PRAG1: variants seen among roughly 807,000 people sequenced by gnomAD.
PRAG1 encodes inactive tyrosine-protein kinase PRAG1.
In PRAG1, 110 loss-of-function variants were observed where a neutral mutation model predicts 95.6. The observed-to-expected ratio is 1.15, with a 90% CI of 0.99 to 1.35. The LOEUF (loss-of-function observed/expected upper bound fraction) is 1.35. Among genes scored for constraint, PRAG1 ranks in the 40% most tolerant of loss-of-function variants. The pLI is 0.00. For synonymous variants in PRAG1, 1,052 were observed against 819.4 expected (o/e 1.28, Z -4.85); for missense variants, 2,554 against 1,864.7 (o/e 1.37, Z -6.81).
At position 8,377,738 on chromosome 8, in the gene PRAG1, C is replaced by T. The variant is rs762239260; in HGVS notation, c.671G>A (p.Gly224Asp). The T allele has an allele frequency of 6.2e-7, 1 of 1,614,054 alleles. No individual in the cohort carries two copies. The highest frequency in any genetic ancestry group is 8.5e-7 in the Non-Finnish European group (1 of 1,180,014). Residue 224 changes from glycine to aspartate, a missense_variant, in exon 3 of 6, where the codon GGC becomes GAC. Physicochemically the swap from Gly to Asp is moderately conservative, Grantham distance 94. Transcript: ENST00000615670. ...FAGTTSGCHQGPGPLRESLPS... is the reference protein window; with the variant it reads ...FAGTTSGCHQDPGPLRESLPS... ...CAGGGATTCCCGCAGGGGCCCAGGG[C>T]CCTGGTGACAGCCAGATGTGGTCCC...
intron 3 of PRAG1, among the ~76,000 whole-genome samples, chr8:8,348,183 C>G (rs1452864123): frequency 6.6e-6 from 1 of 152,192 alleles, no homozygotes; most frequent in African/African-American, 2.4e-5. Flanking sequence ...TTTCAAAGTG[C>G]TGGGATTATA....
chr8:8,379,282 G>A (rs1163128970), intron 2 of PRAG1, among the ~76,000 whole-genome samples: 1 of 152,194 alleles, frequency 6.6e-6, no homozygotes, highest in Non-Finnish European at 1.5e-5. Context: ...GACTCGTTGG[G>A]CTATGAGACA....
At chr8:8,355,131 C>G (rs1052820807) in intron 3 of PRAG1, among the ~76,000 whole-genome samples, 3 of 151,756 alleles carry the variant, frequency 2.0e-5, no homozygotes. Flanking sequence ...AAAAAACAAT[C>G]CAGGTGAAAA....
intron 5 of PRAG1, among the ~76,000 whole-genome samples, chr8:8,320,680 T>C (rs1055847252): frequency 1.3e-5 from 2 of 152,240 alleles, no homozygotes; most frequent in Non-Finnish European, 2.9e-5. Context: ...CACATCTACC[T>C]ATAAAATATT....
chr8:8,326,431 T>G (rs1386505277), intron 5 of PRAG1, among the ~76,000 whole-genome samples: 4 of 152,144 alleles, frequency 2.6e-5, no homozygotes, highest in Non-Finnish European at 5.9e-5. Flanking sequence ...TGAGAGAAGA[T>G]AGCTCAGGGT....
chr8:8,331,045 A>G (rs755388142), intron 4 of PRAG1, among the ~76,000 whole-genome samples: 18 of 152,038 alleles, frequency 1.2e-4, no homozygotes, highest in African/African-American at 4.3e-4. Context: ...CTGATTCTCA[A>G]TTTATCATCA....
chr8:8,375,376 G>C (rs564172942), intron 3 of PRAG1, among the ~76,000 whole-genome samples: 1 of 152,040 alleles, frequency 6.6e-6, no homozygotes, highest in South Asian at 2.1e-4. Flanking sequence ...GCTAATTTTT[G>C]TATTTTTAGT....
At chr8:8,330,195 A>G (rs1466747367) in intron 4 of PRAG1, among the ~76,000 whole-genome samples, 5 of 152,100 alleles carry the variant, frequency 3.3e-5, no homozygotes, top group Admixed American at 6.5e-5. Context: ...GCGAACCCCC[A>G]ACTCTACAAA....
intron 3 of PRAG1, among the ~76,000 whole-genome samples, chr8:8,371,430 T>G (rs1800200808): frequency 6.6e-6 from 1 of 151,970 alleles, no homozygotes; most frequent in South Asian, 2.1e-4. Context: ...CTGGCTAATT[T>G]TTTGTATTTT....
intron 4 of PRAG1, among the ~76,000 whole-genome samples, chr8:8,329,612 G>C (rs1201176077): frequency 6.6e-6 from 1 of 152,178 alleles, no homozygotes; most frequent in African/African-American, 2.4e-5. Context: ...CAAATTATGA[G>C]TCTTGTGTCA....
At chr8:8,336,915 TCC>T (rs956360550) in intron 4 of PRAG1, among the ~76,000 whole-genome samples, 2 of 24,628 alleles carry the variant, frequency 8.1e-5, no homozygotes, top group African/African-American at 2.7e-4. Context: ...CTTTCCCCCC[TCC>T]CCCCACCTCC....
At chr8:8,341,847 T>C (rs892186574) in intron 3 of PRAG1, among the ~76,000 whole-genome samples, 1 of 152,342 alleles carries the variant, frequency 6.6e-6, no homozygotes. Context: ...AATTATAAAA[T>C]GACGGCCGGA....
chr8:8,351,782 C>G (rs185123502), intron 3 of PRAG1, among the ~76,000 whole-genome samples: 1 of 152,068 alleles, frequency 6.6e-6, no homozygotes, highest in Non-Finnish European at 1.5e-5. Context: ...CCTGCCTTCC[C>G]CTTGCAAAAA....
Position 8,318,870 on chromosome 8 carries a change from CGGGGG to C in PRAG1, c.3500_3504del (p.Ala1167GlyfsTer86). 1.0e-5 allele frequency: 1 copy of C among 96,970 alleles called. No individual in the cohort carries two copies. Among genetic ancestry groups the C allele is most frequent in the Non-Finnish European group, 1.4e-5 (1 of 69,904 alleles). 6.0% of individuals were successfully genotyped at this position (96,970 alleles called of 1,614,324 possible). A position where few individuals can be genotyped will look rare whatever the true frequency, so the allele number is the denominator to read the frequency against. On this transcript the variant is annotated frameshift_variant, in exon 6 of 6. Coordinates refer to ENST00000615670, the MANE Select transcript of PRAG1 (RefSeq NM_001080826.3). LOFTEE classifies it high-confidence loss of function. The surrounding 1 kb of genome is among the most constrained non-coding windows in gnomAD (Gnocchi z 4.2). ...GCGGCGGCGGGGGCGGGAGCCGGGG[CGGGGG>C]CGGGGGCGGGCCCGGGGCCGGCCTG...
At chr8:8,367,972 G>T (rs1279071932) in intron 3 of PRAG1, among the ~76,000 whole-genome samples, 1 of 152,074 alleles carries the variant, frequency 6.6e-6, no homozygotes, top group Non-Finnish European at 1.5e-5. Context: ...CATTAATTTT[G>T]ACTGCCATAT....
intron 4 of PRAG1, among the ~76,000 whole-genome samples, chr8:8,338,029 C>A (rs1296880650): frequency 6.6e-6 from 1 of 152,134 alleles, no homozygotes; most frequent in Non-Finnish European, 1.5e-5. Flanking sequence ...CTCCTCCTCA[C>A]CCCCTACCTC....
chr8:8,381,344 G>T, intron 2 of PRAG1, 74 bp downstream of exon 2: 2 of 1,461,468 alleles, frequency 1.4e-6, no homozygotes, highest in Non-Finnish European at 1.9e-6. Flanking sequence ...GCCCTCCCTG[G>T]CTGCCAGCCA....
intron 1 of PRAG1, among the ~76,000 whole-genome samples, chr8:8,385,392 G>A (rs1800814341): frequency 6.6e-6 from 1 of 152,142 alleles, no homozygotes; most frequent in South Asian, 2.1e-4. Context: ...ATCTCAGAGG[G>A]AGGAATGTGG....
At position 8,376,933 on chromosome 8, in the gene PRAG1, G is replaced by A. The variant is rs192852763; in HGVS notation, c.1476C>T (p.Ser492=). 6.2e-6 allele frequency: 10 copies of A among 1,613,416 alleles called. No individual in the cohort carries two copies. In the Admixed American group the frequency reaches 8.3e-5, roughly 13 times the overall value. The change falls in exon 3 of 6, where the codon AGC becomes AGT. Residue 492 remains serine (S), a synonymous_variant. Transcript: ENST00000615670. ...ACTGCACCCCCACTGCAGAGTCAGG[G>A]CTGCTCAGGTAGATCGTCCGATGGT... ...EEDHRTIYLS[S]PDSAVGVQWP...
Sources: gnomAD v4.1 joint callset for allele counts (sites outside exome capture counted in the v4.1 genomes callset) on GRCh38, gnomAD v4.1.1 for gene constraint, Gnocchi (gnomAD v3.1) non-coding constraint, MANE v1.5 for transcripts, NCBI Gene and HGNC (gene_info 2026-07-23, HGNC 2026-07-21) for gene names.